SMPDL3A: variants seen among roughly 807,000 people sequenced by gnomAD.
The protein encoded by SMPDL3A is cyclic GMP-AMP phosphodiesterase SMPDL3A.
SMPDL3A carries 39 observed loss-of-function variants against 38.5 expected under a neutral mutation model. That is an observed-to-expected ratio of 1.01 (90% CI 0.78 to 1.32). The LOEUF is 1.32. Among genes scored for constraint, SMPDL3A ranks in the 40% most tolerant of loss-of-function variants. The pLI, the probability that SMPDL3A is intolerant of heterozygous loss-of-function variation, is 0.00. For synonymous variants in SMPDL3A, 180 were observed against 194.3 expected (o/e 0.93, Z 0.61); for missense variants, 502 against 536.2 (o/e 0.94, Z 0.63).
intron 3 of SMPDL3A, chr6:122,797,305 T>C (rs1781280918): frequency 9.6e-6 from 2 of 209,266 alleles, no homozygotes; most frequent in South Asian, 1.4e-4. Flanking sequence ...ATGACAAGGT[T>C]AGCAAGTAAG....
chr6:122,808,597 CCCTCCCTCCCTCCCTT>C (rs1781717121), intron 7 of SMPDL3A, among the ~76,000 whole-genome samples: 1 of 35,860 alleles, frequency 2.8e-5, no homozygotes, highest in African/African-American at 8.9e-5. Context: ...CTCCCTTCCT[CCCTCCCTCCCTCCCTT>C]CCTTCCTTCC....
At position 122,809,235 on chromosome 6, in the gene SMPDL3A, A is replaced by G. The variant is rs1781769571; in HGVS notation, c.1189A>G (p.Ile397Val). 1 of 1,614,058 alleles carries G rather than the reference A, an allele frequency of 6.2e-7. No individual in the cohort carries two copies. Among genetic ancestry groups the G allele is most frequent in the African/African-American group, 1.3e-5 (1 of 74,914 alleles). Residue 397 changes from isoleucine to valine, a missense_variant, in exon 8 of 8, where the codon ATC becomes GTC. Coordinates refer to ENST00000368440, the MANE Select transcript of SMPDL3A (RefSeq NM_006714.5). ...ATATGGATTAGCTAAACAATTTACA[A>G]TCCTAGACAGTAAGCAGTTTATAAA... is the stretch of plus-strand genomic sequence containing the variant. ...SLYGLAKQFTILDSKQFIKYY... is the reference protein window; with the variant it reads ...SLYGLAKQFTVLDSKQFIKYY...
chr6:122,797,707 G>A (rs1781297657), intron 3 of SMPDL3A, among the ~76,000 whole-genome samples: 2 of 152,158 alleles, frequency 1.3e-5, no homozygotes, highest in South Asian at 2.1e-4. Flanking sequence ...CCTGTTGCTT[G>A]TTTTTGTAAA....
chr6:122,793,790 C>T (rs1382578025), intron 1 of SMPDL3A, among the ~76,000 whole-genome samples: 4 of 152,178 alleles, frequency 2.6e-5, no homozygotes, highest in East Asian at 1.9e-4. Flanking sequence ...TTCACCTTAA[C>T]GTATCAACTG....
At position 122,795,816 on chromosome 6, in the gene SMPDL3A, A is replaced by C; in HGVS notation, c.252A>C (p.Pro84=). ...TTGGAGATGTTCTGTGTGATTCTCC[A>C]TATCAACTTATTTTGTCAGCATTTG... ...GPFGDVLCDS[P]YQLILSAFDF... Residue 84 remains proline, a synonymous_variant, in exon 2 of 8, where the codon CCA becomes CCC. Coordinates refer to ENST00000368440, the MANE Select transcript of SMPDL3A (RefSeq NM_006714.5). The C allele has an allele frequency of 1.9e-6, 3 of 1,614,166 alleles. No homozygotes were observed. The highest frequency in any genetic ancestry group is 4.5e-5 in the East Asian group (2 of 44,864).
chr6:122,796,019 G>A (rs556344657), intron 2 of SMPDL3A, 129 bp downstream of exon 2: 1 of 690,856 alleles, frequency 1.4e-6, no homozygotes, highest in Non-Finnish European at 2.4e-6. Flanking sequence ...AAAAACACTA[G>A]GTCAAACTAA....
chr6:122,793,667 C>T (rs1250572692), intron 1 of SMPDL3A, among the ~76,000 whole-genome samples: 2 of 152,178 alleles, frequency 1.3e-5, no homozygotes, highest in Admixed American at 6.6e-5. Context: ...CATACTACTA[C>T]TTTCTTCTGG....
intron 1 of SMPDL3A, among the ~76,000 whole-genome samples, chr6:122,791,301 T>G (rs1235725198): frequency 6.6e-6 from 1 of 152,214 alleles, no homozygotes; most frequent in East Asian, 1.9e-4. Flanking sequence ...TGGGACTGGC[T>G]TGTGTATTGG....
chr6:122,789,481 C>G lies in SMPDL3A; in HGVS notation c.112+23C>G, dbSNP rs1158868996. 4 of 1,530,810 alleles carry G rather than the reference C, an allele frequency of 2.6e-6. No individual in the cohort carries two copies. In the South Asian group the frequency reaches 4.8e-5, roughly 18 times the overall value. The allele number at this position is 1,530,810 out of a possible 1,614,324, so 94.8% of individuals were successfully genotyped here. A position where few individuals can be genotyped will look rare whatever the true frequency, so the allele number is the denominator to read the frequency against. ...TAGGTGAGTTGTCCGCGACCCTTCT[C>G]TTCCCAGCCGGCAAAGAGCGCGGAG... On this transcript the variant is annotated intron_variant, in intron 1 of 7. Coordinates refer to ENST00000368440, the MANE Select transcript of SMPDL3A (RefSeq NM_006714.5).
At chr6:122,794,408 T>C (rs1337937077) in intron 1 of SMPDL3A, among the ~76,000 whole-genome samples, 1 of 152,000 alleles carries the variant, frequency 6.6e-6, no homozygotes, top group Non-Finnish European at 1.5e-5. Context: ...CCATCCTGGC[T>C]AACATGGTGA....
chr6:122,789,416 C>T lies in SMPDL3A; in HGVS notation c.70C>T (p.Pro24Ser), dbSNP rs1337506296. The T allele has an allele frequency of 2.6e-6, 4 of 1,549,316 alleles. No individual in the cohort carries two copies. The African/African-American group carries it at 5.5e-5, about 21-fold the overall frequency. ...GCACTGCCGCTCCGGCCTCGGGCTGCCCGTGGCGCCCGCAGGCGGCAGGAA... is the reference window on the plus strand; with the variant it reads ...GCACTGCCGCTCCGGCCTCGGGCTGTCCGTGGCGCCCGCAGGCGGCAGGAA... ...AWHCRSGLGL[P>S]VAPAGGRNPP... is the part of the protein sequence containing the mutation. Residue 24 changes from proline (P) to serine (S), a missense_variant, in exon 1 of 8, where the codon CCC becomes TCC. Transcript: ENST00000368440.
chr6:122,796,767 G>A (rs1781259689), intron 2 of SMPDL3A, 57 bp from the exon 3 acceptor site: 1 of 1,490,946 alleles, frequency 6.7e-7, no homozygotes, highest in Non-Finnish European at 9.2e-7. Flanking sequence ...TCATGCATAA[G>A]TCTAGTAACT....
Position 122,809,340 on chromosome 6 carries a change from A to C in SMPDL3A, c.1294A>C (p.Ile432Leu), listed in dbSNP as rs377120956. ...KTCKAFQICA[I>L]MNLDNISYAD... ...ATGTAAGGCCTTTCAGATTTGTGCA[A>C]TTATGAATCTTGATAATATTTCCTA... Residue 432 changes from isoleucine to leucine, a missense_variant, in exon 8 of 8, where the codon ATT (isoleucine) becomes CTT (leucine). Physicochemically the swap from Ile to Leu is conservative, Grantham distance 5. Coordinates refer to ENST00000368440, the MANE Select transcript of SMPDL3A (RefSeq NM_006714.5). 2.5e-6 allele frequency: 4 copies of C among 1,613,930 alleles called. No homozygotes were observed. In the African/African-American group the frequency reaches 5.3e-5, roughly 22 times the overall value.
intron 7 of SMPDL3A, among the ~76,000 whole-genome samples, chr6:122,807,666 T>C (rs1582561300): frequency 6.6e-6 from 1 of 151,978 alleles, no homozygotes; most frequent in East Asian, 1.9e-4. Context: ...AAACATAATT[T>C]GAAAATAATT....
intron 1 of SMPDL3A, 82 bp downstream of exon 1, chr6:122,789,540 T>A (rs1025789992): frequency 8.2e-7 from 1 of 1,212,408 alleles, no homozygotes; most frequent in Non-Finnish European, 1.2e-6. Context: ...AGAAAGTGCG[T>A]GGGGGCAGCT....
In SMPDL3A at chr6:122,805,022, T is replaced by A. The variant is rs765321808; in HGVS notation, c.852T>A (p.Asp284Glu). Residue 284 changes from aspartate (D) to glutamate (E), a missense_variant, in exon 6 of 8, where the codon GAT becomes GAA. Asp to Glu is a conservative substitution (Grantham distance 45, BLOSUM62 2). Transcript: ENST00000368440. ...KLIDIFQKYS[D>E]VIAGQFYGHT... ...TAGATATTTTTCAAAAATACAGTGA[T>A]GTCATTGCAGGACAATTTTATGGAC... 6.2e-7 allele frequency: 1 copy of A among 1,613,434 alleles called. No homozygotes were observed. Among genetic ancestry groups the A allele is most frequent in the Non-Finnish European group, 8.5e-7 (1 of 1,179,822 alleles).
At chr6:122,808,181 C>A (rs1290697580) in intron 7 of SMPDL3A, among the ~76,000 whole-genome samples, 2 of 152,120 alleles carry the variant, frequency 1.3e-5, no homozygotes, top group African/African-American at 4.8e-5. Flanking sequence ...TATGCACATT[C>A]CAAATATTTA....
rs752152991 is a variant in SMPDL3A, at chr6:122,801,352, G to A, written c.514G>A (p.Ala172Thr). ...VVTSKVYNAV[A>T]NLWKPWLDEE... ...CACCAGTAAAGTGTACAATGCAGTAGCAAACCTCTGGAAACCATGGCTAGA... is the reference window on the plus strand; with the variant it reads ...CACCAGTAAAGTGTACAATGCAGTAACAAACCTCTGGAAACCATGGCTAGA... The change falls in exon 4 of 8, where the codon GCA becomes ACA. Residue 172 changes from alanine (A) to threonine (T), a missense_variant. By Grantham distance (58) the Ala-to-Thr change is moderately conservative. Transcript: ENST00000368440. The A allele has an allele frequency of 1.9e-6, 3 of 1,613,682 alleles. No individual in the cohort carries two copies. Among genetic ancestry groups the A allele is most frequent in the Middle Eastern group, 1.7e-4 (1 of 6,060 alleles).
Position 122,792,697 on chromosome 6 carries a change from A to G in SMPDL3A, c.113-2980A>G, listed in dbSNP as rs1201204513. On this transcript the variant is annotated intron_variant, in intron 1 of 7. Coordinates refer to ENST00000368440, the MANE Select transcript of SMPDL3A (RefSeq NM_006714.5). ...CACCCAGGGTGGAGTGCCTTGGCCC[A>G]ATCTTGGCTCACTGCAGCCTCAAGC... Among the ~76,000 whole-genome samples the G allele has an allele frequency of 2.0e-5, 3 of 149,180 alleles. No individual in the cohort carries two copies. The East Asian group carries it at 5.9e-4, about 30-fold the overall frequency.
Sources: gnomAD v4.1 joint callset for allele counts (sites outside exome capture counted in the v4.1 genomes callset) on GRCh38, gnomAD v4.1.1 for gene constraint, MANE v1.5 for transcripts, NCBI Gene and HGNC (gene_info 2026-07-23, HGNC 2026-07-21) for gene names.